CDKL3: variants seen among roughly 807,000 people sequenced by gnomAD.
CDKL3 encodes the protein cyclin dependent kinase like 3.
In CDKL3, 65 loss-of-function variants were observed where a neutral mutation model predicts 69.3. The observed-to-expected ratio is 0.94, with a 90% CI of 0.77 to 1.15. CDKL3 has a LOEUF of 1.15. CDKL3 is among the 50% of genes most tolerant of loss of function. CDKL3 has a pLI of 0.00. For missense variants in CDKL3, 652 were observed against 689.2 expected, an observed-to-expected ratio of 0.95 and a Z score of 0.61; for synonymous variants, 202 against 221.6, an observed-to-expected ratio of 0.91 and a Z score of 0.79.
chr5:134,324,326 G>A (rs1235521516), intron 4 of CDKL3, among the ~76,000 whole-genome samples: 3 of 152,192 alleles, frequency 2.0e-5, no homozygotes, highest in Non-Finnish European at 4.4e-5. Flanking sequence ...ATACAACCCA[G>A]CAATTGCTCT....
intron 4 of CDKL3, among the ~76,000 whole-genome samples, chr5:134,335,586 A>G (rs1238124239): frequency 2.0e-5 from 3 of 152,074 alleles, no homozygotes; most frequent in Non-Finnish European, 4.4e-5. Context: ...TTAAAAGCTT[A>G]GTTTGGCTGG....
intron 12 of CDKL3, among the ~76,000 whole-genome samples, chr5:134,299,089 G>A (rs1171610637): frequency 6.6e-6 from 1 of 152,098 alleles, no homozygotes; most frequent in East Asian, 1.9e-4. Flanking sequence ...GGCCAGACTG[G>A]TCTCGAACTC....
At chr5:134,329,159 A>G (rs540824812) in intron 4 of CDKL3, among the ~76,000 whole-genome samples, 2 of 152,250 alleles carry the variant, frequency 1.3e-5, no homozygotes, top group Admixed American at 1.3e-4. Context: ...TAGGCAATAT[A>G]GTGAGACTTT....
Position 134,340,577 on chromosome 5 carries a change from C to T in CDKL3, c.539+9672G>A, listed in dbSNP as rs576407817. On this transcript the variant is annotated intron_variant, in intron 4 of 12. Transcript: ENST00000265334. ...AAATTAAAAAGATTATAAAGGAATA[C>T]ATAATTGTTTGCCAACAGATTAGAT... Among the ~76,000 whole-genome samples, 39 of 152,258 alleles carry T rather than the reference C, an allele frequency of 2.6e-4. 1 individual carries two copies. The highest frequency in any genetic ancestry group is 1.0e-3 in the Admixed American group (16 of 15,298).
At position 134,350,341 on chromosome 5, in the gene CDKL3, T is replaced by G; in HGVS notation, c.447A>C (p.Thr149=). 6.3e-7 allele frequency: 1 copy of G among 1,591,576 alleles called. No individual in the cohort carries two copies. The highest frequency in any genetic ancestry group is 1.1e-5 in the South Asian group (1 of 87,436). ...TATAAATGTCCCCAGGAGCTGCTAGTGTTCGTGCAAAACCAAAATCACAGA... is the reference window on the plus strand; with the variant it reads ...TATAAATGTCCCCAGGAGCTGCTAGGGTTCGTGCAAAACCAAAATCACAGA... ...TKLCDFGFAR[T]LAAPGDIYTD... Residue 149 remains threonine (T), a synonymous_variant, in exon 4 of 13, where the codon ACA becomes ACC. Coordinates refer to ENST00000265334, the MANE Select transcript of CDKL3 (RefSeq NM_001113575.2).
At chr5:134,297,299 A>G (rs73289806), downstream of CDKL3, among the ~76,000 whole-genome samples, 23,562 of 152,048 alleles carry the variant, frequency 0.15, 2,357 homozygotes, top group African/African-American at 0.28. Flanking sequence ...GTTGTCATGC[A>G]AGCTGAGCCC....
At chr5:134,284,235 A>C (rs1764753367), downstream of CDKL3, among the ~76,000 whole-genome samples, 1 of 152,202 alleles carries the variant, frequency 6.6e-6, no homozygotes, top group Non-Finnish European at 1.5e-5. Context: ...TGAGAAATAG[A>C]GAAAGAGTAC....
intron 3 of CDKL3, among the ~76,000 whole-genome samples, chr5:134,356,310 T>C (rs2149627816): frequency 6.6e-6 from 1 of 152,308 alleles, no homozygotes; most frequent in African/African-American, 2.4e-5. Context: ...ATGCGAGCAA[T>C]GCAAAGTGGC....
At chr5:134,314,069 G>T (rs773397961) in intron 6 of CDKL3, among the ~76,000 whole-genome samples, 16 of 151,994 alleles carry the variant, frequency 1.1e-4, no homozygotes, top group Non-Finnish European at 2.2e-4. Flanking sequence ...GCTTGAACCC[G>T]GGAGACAGGA....
In CDKL3 at chr5:134,337,033, C is replaced by T. The variant is rs368130157; in HGVS notation, c.539+13216G>A. Among the ~76,000 whole-genome samples, 182 of 152,230 alleles carry T rather than the reference C, an allele frequency of 1.2e-3. 2 individuals carry two copies. Among genetic ancestry groups the T allele is most frequent in the African/African-American group, 4.1e-3 (170 of 41,540 alleles). On this transcript the variant is annotated intron_variant, in intron 4 of 12. Transcript: ENST00000265334. Reference sequence around the variant, plus strand: ...TTTGTTTACACTGTGAGCATAGAACCGCCTACTCAAGCCTCAGAAATGGCG... The same window carrying T: ...TTTGTTTACACTGTGAGCATAGAACTGCCTACTCAAGCCTCAGAAATGGCG...
In CDKL3 at chr5:134,321,789, A is replaced by T. The variant is rs1484349733; in HGVS notation, c.652+2T>A. On this transcript the variant is annotated splice_donor_variant, in intron 5 of 12. Transcript: ENST00000265334. LOFTEE classifies it high-confidence loss of function. The stretch of plus-strand genomic sequence containing the variant: ...AACTCATGTTATTTCAGTAATACCT[A>T]CCCACTTTCAAAACAATTTTATGGA... The T allele has an allele frequency of 6.9e-7, 1 of 1,456,384 alleles. No homozygotes were observed. Among genetic ancestry groups the T allele is most frequent in the South Asian group, 1.2e-5 (1 of 85,994 alleles). 90.2% of individuals were successfully genotyped at this position (1,456,384 alleles called of 1,614,324 possible).
chr5:134,343,966 C>T (rs1435396062), intron 4 of CDKL3, among the ~76,000 whole-genome samples: 1 of 152,150 alleles, frequency 6.6e-6, no homozygotes, highest in Non-Finnish European at 1.5e-5. Flanking sequence ...GTCTAGGCAG[C>T]GGGCAAGGTG....
At chr5:134,336,003 G>C (rs1438579308) in intron 4 of CDKL3, among the ~76,000 whole-genome samples, 5 of 152,180 alleles carry the variant, frequency 3.3e-5, no homozygotes, top group Admixed American at 3.3e-4. Flanking sequence ...CATATTTCTT[G>C]GAGGCTTTGT....
At chr5:134,343,729 T>G (rs1378681855) in intron 4 of CDKL3, among the ~76,000 whole-genome samples, 1 of 152,164 alleles carries the variant, frequency 6.6e-6, no homozygotes, top group African/African-American at 2.4e-5. Flanking sequence ...AGTGATTCAG[T>G]GCAAGAAGAC....
intron 6 of CDKL3, among the ~76,000 whole-genome samples, chr5:134,317,076 T>C (rs1394556109): frequency 6.6e-6 from 1 of 152,174 alleles, no homozygotes; most frequent in Non-Finnish European, 1.5e-5. Flanking sequence ...AATAAATAAA[T>C]AAATTTTGTA....
At chr5:134,286,453 G>A (rs963425302) in exon 9 of CDKL3, 7 of 200,102 alleles carry the variant, frequency 3.5e-5, no homozygotes, top group Non-Finnish European at 6.0e-5. Context: ...CTGTTACCCA[G>A]TTCCAAAGTT....
intron 9 of CDKL3, 47 bp from the exon 10 acceptor site, chr5:134,306,749 G>GTTTT: frequency 3.4e-6 from 1 of 291,378 alleles, no homozygotes; most frequent in Non-Finnish European, 5.5e-6. Flanking sequence ...CCCCAGAAAT[G>GTTTT]CTTTTTTTTT....
chr5:134,342,422 C>A (rs1457459661), intron 4 of CDKL3, among the ~76,000 whole-genome samples: 1 of 151,856 alleles, frequency 6.6e-6, no homozygotes, highest in Non-Finnish European at 1.5e-5. Flanking sequence ...CACGGTGAAA[C>A]CCCATCTCTA....
chr5:134,324,642 G>A (rs1773650769), intron 4 of CDKL3, among the ~76,000 whole-genome samples: 1 of 152,170 alleles, frequency 6.6e-6, no homozygotes, highest in African/African-American at 2.4e-5. Context: ...TTCTGGAAAA[G>A]CCTAAAGTAT....
Sources: allele counts gnomAD v4.1 joint callset (sites outside exome capture counted in the v4.1 genomes callset), GRCh38; gene constraint gnomAD v4.1.1; transcripts MANE v1.5; gene names NCBI Gene and HGNC (gene_info 2026-07-23, HGNC 2026-07-21).